The following MCF2L2 variants were observed in gnomAD, a reference collection of about 807,000 sequenced individuals.
MCF2L2 encodes the protein probable guanine nucleotide exchange factor MCF2L2.
A neutral mutation model predicts 150.2 loss-of-function variants in MCF2L2; 102 were observed. The ratio of observed to expected loss-of-function variants is 0.68; its 90% CI spans 0.58 to 0.80. The LOEUF (loss-of-function observed/expected upper bound fraction) is 0.80, where lower values mean the gene tolerates loss of function less well. Among genes scored for constraint, MCF2L2 ranks in the 30% least tolerant of loss-of-function variants. The pLI, the probability that MCF2L2 is intolerant of heterozygous loss-of-function variation, is 0.00. For missense variants in MCF2L2, 1,256 were observed against 1,372.8 expected, an observed-to-expected ratio of 0.91 and a Z score of 1.34; for synonymous variants, 465 against 491.3, an observed-to-expected ratio of 0.95 and a Z score of 0.71.
In MCF2L2 at chr3:183,231,013, T is replaced by G. The variant is rs1345550248; in HGVS notation, c.1867A>C (p.Ile623Leu). The G allele has an allele frequency of 6.2e-7, 1 of 1,613,168 alleles. No individual in the cohort carries two copies. ...TCAGTCTCAAGCAAGTCACGTATAATGCGCCTGAATCACAGCAGCAGGTGG... is the reference window on the plus strand; with the variant it reads ...TCAGTCTCAAGCAAGTCACGTATAAGGCGCCTGAATCACAGCAGCAGGTGG... ...RLGDLSPRRR[I>L]IRDLLETEEI... Residue 623 changes from isoleucine to leucine, a missense_variant, in exon 16 of 30, where the codon ATT (isoleucine) becomes CTT (leucine). Transcript: ENST00000328913.
rs747005990 is a variant in MCF2L2 at position 183,289,111 on chromosome 3, T to C, written c.1776+9A>G. On this transcript the variant is annotated intron_variant, in intron 14 of 29. Transcript: ENST00000328913. ...GGAAGTTCTATAAGTAAAATAAAGG[T>C]AATTTTACCTTGACTTCAAATTTAG... 72 of 1,579,194 alleles carry C rather than the reference T, an allele frequency of 4.6e-5. No individual in the cohort carries two copies. The highest frequency in any genetic ancestry group is 4.6e-5 in the Non-Finnish European group (53 of 1,148,894).
chr3:183,275,212 A>C (rs1200953540), intron 15 of MCF2L2, among the ~76,000 whole-genome samples: 1 of 152,140 alleles, frequency 6.6e-6, no homozygotes, highest in African/African-American at 2.4e-5. Flanking sequence ...ACGAGCTGTA[A>C]GTTCTGAAGG....
At chr3:183,359,880 G>A (rs1712020492) in intron 3 of MCF2L2, among the ~76,000 whole-genome samples, 1 of 152,206 alleles carries the variant, frequency 6.6e-6, no homozygotes, top group African/African-American at 2.4e-5. Flanking sequence ...CATGTCAAGT[G>A]AGGAAACAAT....
intron 5 of MCF2L2, among the ~76,000 whole-genome samples, chr3:183,326,136 A>G (rs746742764): frequency 2.9e-4 from 26 of 90,456 alleles, no homozygotes; most frequent in East Asian, 1.2e-3. Flanking sequence ...GATCAATGGG[A>G]AAAAAAAAGC....
chr3:183,418,601 T>C (rs1456185364), intron 1 of MCF2L2, among the ~76,000 whole-genome samples: 3 of 152,328 alleles, frequency 2.0e-5, no homozygotes, highest in Non-Finnish European at 2.9e-5. Flanking sequence ...AATGTTCCCA[T>C]TCCAAATTAG....
At chr3:183,223,481 C>T (rs764759571) in intron 19 of MCF2L2, 43 bp from the exon 20 acceptor site, 5 of 1,426,692 alleles carry the variant, frequency 3.5e-6, no homozygotes, top group East Asian at 2.3e-5. Context: ...AAACAAACAA[C>T]ACACACAGAA....
intron 15 of MCF2L2, among the ~76,000 whole-genome samples, chr3:183,241,376 A>G (rs904665509): frequency 2.0e-5 from 3 of 152,164 alleles, no homozygotes; most frequent in African/African-American, 7.2e-5. Context: ...TCCCCACCCA[A>G]ATCTCACCTT....
intron 15 of MCF2L2, 166 bp downstream of exon 15, chr3:183,276,706 G>T: frequency 2.1e-6 from 1 of 469,758 alleles, no homozygotes. Flanking sequence ...TGCTTTTGTG[G>T]GATCCACAAA....
At chr3:183,200,646 T>C (rs1576916623) in intron 25 of MCF2L2, among the ~76,000 whole-genome samples, 1 of 152,372 alleles carries the variant, frequency 6.6e-6, no homozygotes, top group East Asian at 1.9e-4. Flanking sequence ...CACTTGTCAA[T>C]TTTGGCTTTT....
intron 3 of MCF2L2, chr3:183,378,831 A>T (rs1713345666): frequency 6.6e-6 from 1 of 152,030 alleles, no homozygotes; most frequent in Non-Finnish European, 1.5e-5. Flanking sequence ...CAGCCTGGCC[A>T]ACATAGTGAA....
intron 20 of MCF2L2, among the ~76,000 whole-genome samples, chr3:183,222,582 A>G (rs758285503): frequency 3.3e-5 from 5 of 151,908 alleles, no homozygotes; most frequent in African/African-American, 7.3e-5. Flanking sequence ...AAAGAAATAC[A>G]CGTGGGGAAG....
chr3:183,406,491 G>A (rs1007509683), intron 1 of MCF2L2, among the ~76,000 whole-genome samples: 4 of 151,966 alleles, frequency 2.6e-5, no homozygotes, highest in Admixed American at 2.0e-4. Flanking sequence ...CTATTCACAA[G>A]TCTTGGTTTT....
intron 3 of MCF2L2, among the ~76,000 whole-genome samples, chr3:183,358,280 C>T (rs536234289): frequency 6.0e-5 from 9 of 150,726 alleles, no homozygotes; most frequent in African/African-American, 1.9e-4. Flanking sequence ...GCAATGAGAG[C>T]GAAACTCTGT....
intron 27 of MCF2L2, among the ~76,000 whole-genome samples, chr3:183,185,918 C>T (rs561196898): frequency 3.2e-4 from 49 of 151,760 alleles, no homozygotes; most frequent in African/African-American, 1.2e-3. Context: ...TTTTTTTTCC[C>T]GTGCATTTCT....
intron 11 of MCF2L2, chr3:183,298,726 C>G (rs1373896554): frequency 6.6e-6 from 1 of 151,034 alleles, no homozygotes; most frequent in Middle Eastern, 3.4e-3. Flanking sequence ...CTTGCTTTCT[C>G]TCTCTCTCTG....
chr3:183,272,690 CAT>C, intron 15 of MCF2L2: 3 of 1,008,834 alleles, frequency 3.0e-6, no homozygotes, highest in South Asian at 4.6e-5. Context: ...ATTAAAAAAA[CAT>C]AGAGAACAAA....
intron 12 of MCF2L2, 55 bp from the exon 13 acceptor site, chr3:183,295,532 G>A (rs1366143497): frequency 5.2e-6 from 8 of 1,547,632 alleles, no homozygotes; most frequent in Non-Finnish European, 4.4e-6. Flanking sequence ...ACAGCCTGAG[G>A]ACACGAAGCA....
chr3:183,403,172 TG>T (rs1276605134), intron 1 of MCF2L2, among the ~76,000 whole-genome samples: 1 of 152,086 alleles, frequency 6.6e-6, no homozygotes, highest in Non-Finnish European at 1.5e-5. Flanking sequence ...CTCAGGAGGC[TG>T]AGGCAGGAGA....
chr3:183,348,420 A>AG (rs201681133), intron 3 of MCF2L2, among the ~76,000 whole-genome samples: 1 of 89,432 alleles, frequency 1.1e-5, no homozygotes, highest in Non-Finnish European at 2.5e-5. Context: ...GGGGTCGGGT[A>AG]GGGGGGGCGA....
Sources: gnomAD v4.1 joint callset for allele counts (sites outside exome capture counted in the v4.1 genomes callset) on GRCh38, gnomAD v4.1.1 for gene constraint, MANE v1.5 for transcripts, NCBI Gene and HGNC (gene_info 2026-07-23, HGNC 2026-07-21) for gene names.